The following OPCML variants were observed in gnomAD, a reference collection of about 807,000 sequenced individuals.
The protein encoded by OPCML is opioid binding protein/cell adhesion molecule like, also known as opioid-binding protein/cell adhesion molecule.
In OPCML, 13 loss-of-function variants were observed where a neutral mutation model predicts 37.8. The observed-to-expected ratio is 0.34, with a 90% confidence interval of 0.22 to 0.55. The LOEUF (loss-of-function observed/expected upper bound fraction) is 0.55, where lower values mean the gene tolerates loss of function less well. Ranked by LOEUF, OPCML falls within the 20% of genes least tolerant of loss-of-function variation. The probability of loss-of-function intolerance (pLI) is 0.91; values close to 1 mark genes in which losing one functional copy is unlikely to be tolerated. For missense variants in OPCML, 341 were observed against 435.6 expected (o/e 0.78, Z 1.93); for synonymous variants, 176 against 168.8 (o/e 1.04, Z -0.33).
intron 1 of OPCML, among the ~76,000 whole-genome samples, chr11:133,105,024 T>C (rs1009510171): frequency 6.6e-6 from 1 of 152,238 alleles, no homozygotes; most frequent in African/African-American, 2.4e-5. Flanking sequence ...AGATGTATAA[T>C]GAATTGTTAG....
At position 132,746,287 on chromosome 11, in the gene OPCML, T is replaced by G. The variant is rs977620131; in HGVS notation, c.147-88968A>C. Among the ~76,000 whole-genome samples the G allele has an allele frequency of 4.0e-5, 6 of 151,542 alleles. No homozygotes were observed. In the South Asian group the frequency reaches 1.2e-3, roughly 31 times the overall value. ...GTAAAAGACCTCTGGTTATTTTTGT[T>G]TTTATTTTGTTTGTTTGTTTGTTGT... On this transcript the variant is annotated intron_variant, in intron 2 of 7. Coordinates refer to ENST00000524381, the MANE Select transcript of OPCML (RefSeq NM_001012393.5).
At chr11:132,987,337 A>G (rs1187006214) in intron 1 of OPCML, among the ~76,000 whole-genome samples, 3 of 152,134 alleles carry the variant, frequency 2.0e-5, no homozygotes, top group Non-Finnish European at 4.4e-5. Context: ...CTAGGGGAGA[A>G]GCTTTCATGT....
intron 2 of OPCML, among the ~76,000 whole-genome samples, chr11:132,862,647 G>A (rs1262723172): frequency 6.6e-6 from 1 of 152,152 alleles, no homozygotes; most frequent in East Asian, 1.9e-4. Context: ...TGAGAAAGAT[G>A]GTGGGCTGGG....
chr11:132,656,148 T>A (rs1025165324), intron 3 of OPCML, among the ~76,000 whole-genome samples: 1 of 152,126 alleles, frequency 6.6e-6, no homozygotes, highest in African/African-American at 2.4e-5. Context: ...CTAATGTGCT[T>A]ACAACTTCAT....
At chr11:132,921,683 A>AT (rs57550948) in intron 2 of OPCML, among the ~76,000 whole-genome samples, 1 of 152,064 alleles carries the variant, frequency 6.6e-6, no homozygotes. Flanking sequence ...TTCTGGAGAA[A>AT]TTTTTTTATA....
intron 1 of OPCML, among the ~76,000 whole-genome samples, chr11:132,979,505 G>A (rs937803233): frequency 3.3e-5 from 5 of 152,320 alleles, no homozygotes; most frequent in East Asian, 1.9e-4. Context: ...GGCCTCTGCC[G>A]AGAGGTTTTT....
At chr11:133,363,278 G>A (rs1592235558) in intron 1 of OPCML, among the ~76,000 whole-genome samples, 1 of 152,170 alleles carries the variant, frequency 6.6e-6, no homozygotes. Flanking sequence ...GGAGCTTCCT[G>A]GGCAGAACAG....
intron 1 of OPCML, among the ~76,000 whole-genome samples, chr11:133,454,106 A>C (rs1679773679): frequency 1.3e-5 from 2 of 152,216 alleles, no homozygotes; most frequent in Non-Finnish European, 2.9e-5. Context: ...GCAGGAATTC[A>C]TATCAGAAGG....
intron 1 of OPCML, among the ~76,000 whole-genome samples, chr11:132,964,516 G>C (rs1946169972): frequency 6.6e-6 from 1 of 152,168 alleles, no homozygotes; most frequent in South Asian, 2.1e-4. Flanking sequence ...GCCCTACTTG[G>C]CTAGGAAGTG....
intron 1 of OPCML, among the ~76,000 whole-genome samples, chr11:133,030,081 C>G (rs908575507): frequency 1.3e-5 from 2 of 152,108 alleles, no homozygotes; most frequent in East Asian, 1.9e-4. Flanking sequence ...AGGAGTGGAT[C>G]TGGGGAGAAA....
chr11:132,951,534 C>A (rs573381462), intron 1 of OPCML, among the ~76,000 whole-genome samples: 1 of 152,164 alleles, frequency 6.6e-6, no homozygotes, highest in Non-Finnish European at 1.5e-5. Context: ...TTTCAACATA[C>A]GAATTTTGGG....
intron 1 of OPCML, among the ~76,000 whole-genome samples, chr11:133,031,310 G>A (rs118186501): frequency 6.6e-6 from 1 of 152,142 alleles, no homozygotes; most frequent in East Asian, 1.9e-4. Flanking sequence ...ATAGATGGAT[G>A]GGTGGTTGGT....
chr11:132,720,594 C>CAT (rs1259557376), intron 2 of OPCML, among the ~76,000 whole-genome samples: 7 of 152,126 alleles, frequency 4.6e-5, no homozygotes, highest in Admixed American at 3.9e-4. Flanking sequence ...ACCTCATCAG[C>CAT]ATATATATAT....
chr11:132,708,743 A>T (rs1458397753), intron 2 of OPCML, among the ~76,000 whole-genome samples: 1 of 152,228 alleles, frequency 6.6e-6, no homozygotes, highest in African/African-American at 2.4e-5. Context: ...AAATTTTCTC[A>T]GTGAATCAGA....
chr11:132,782,467 T>C (rs2136154704), intron 2 of OPCML, among the ~76,000 whole-genome samples: 1 of 152,326 alleles, frequency 6.6e-6, no homozygotes, highest in East Asian at 1.9e-4. Flanking sequence ...GCAATGAGAG[T>C]GGCCTTGGCC....
At chr11:133,276,265 A>G (rs1349015582) in intron 1 of OPCML, among the ~76,000 whole-genome samples, 1 of 152,192 alleles carries the variant, frequency 6.6e-6, no homozygotes, top group East Asian at 1.9e-4. Context: ...GGTAGAAGTA[A>G]GGAATCGTGG....
At chr11:133,128,480 T>A (rs1019234287) in intron 1 of OPCML, among the ~76,000 whole-genome samples, 3 of 152,206 alleles carry the variant, frequency 2.0e-5, no homozygotes, top group Admixed American at 2.0e-4. Flanking sequence ...TACCACTCCC[T>A]GAGCCAAGTT....
intron 1 of OPCML, among the ~76,000 whole-genome samples, chr11:133,010,611 T>C (rs2136873021): frequency 6.6e-6 from 1 of 152,360 alleles, no homozygotes; most frequent in South Asian, 2.1e-4. Context: ...AACTTTAAGA[T>C]TCTATCTTTA....
intron 1 of OPCML, among the ~76,000 whole-genome samples, chr11:133,191,502 T>G (rs1272403320): frequency 8.4e-6 from 1 of 119,184 alleles, no homozygotes; most frequent in Non-Finnish European, 1.8e-5. Flanking sequence ...TCTGTGTGTG[T>G]GGGTGTGTGT....
Sources: gnomAD v4.1 joint callset for allele counts (sites outside exome capture counted in the v4.1 genomes callset) on GRCh38, gnomAD v4.1.1 for gene constraint, MANE v1.5 for transcripts, NCBI Gene and HGNC (gene_info 2026-07-23, HGNC 2026-07-21) for gene names.